MSI2: variants seen among roughly 807,000 people sequenced by gnomAD.
MSI2 encodes RNA-binding protein Musashi homolog 2.
MSI2 carries 17 observed loss-of-function variants against 45.6 expected under a neutral mutation model. The ratio of observed to expected loss-of-function variants is 0.37; its 90% CI spans 0.26 to 0.56. The LOEUF (loss-of-function observed/expected upper bound fraction) is 0.56. Among genes scored for constraint, MSI2 ranks in the 20% least tolerant of loss-of-function variants. MSI2 has a pLI of 0.77. For missense variants in MSI2, 293 were observed against 444.2 expected, an observed-to-expected ratio of 0.66 and a Z score of 3.06; for synonymous variants, 156 against 158.2, an observed-to-expected ratio of 0.99 and a Z score of 0.11.
chr17:57,311,621 C>A (rs1197015637), intron 5 of MSI2, among the ~76,000 whole-genome samples: 2 of 152,122 alleles, frequency 1.3e-5, no homozygotes, highest in Non-Finnish European at 2.9e-5. Flanking sequence ...ATACACATTG[C>A]TCATTGCAGC....
intron 11 of MSI2, among the ~76,000 whole-genome samples, chr17:57,657,788 G>A (rs369938343): frequency 1.0e-3 from 153 of 152,276 alleles, no homozygotes; most frequent in African/African-American, 3.5e-3. Flanking sequence ...GAGGGATCCT[G>A]GAGCTATTTG....
At chr17:57,471,277 C>CTTTT (rs529448901) in intron 6 of MSI2, among the ~76,000 whole-genome samples, 8 of 83,712 alleles carry the variant, frequency 9.6e-5, no homozygotes, top group African/African-American at 2.0e-4. Context: ...TTATGGAGCA[C>CTTTT]TTTTTTTTTT....
At chr17:57,581,004 C>CTTTTTTTTTTTTTTTTTTTTTTTTTTTTT (rs3059122) in intron 7 of MSI2, among the ~76,000 whole-genome samples, 2 of 66,502 alleles carry the variant, frequency 3.0e-5, no homozygotes, top group Non-Finnish European at 5.4e-5. Flanking sequence ...AGGTCAGCAT[C>CTTTTTTTTTTTTTTTTTTTTTTTTTTTTT]TTTTTTTTTT....
At chr17:57,551,146 T>C (rs192482758) in intron 7 of MSI2, among the ~76,000 whole-genome samples, 2 of 152,318 alleles carry the variant, frequency 1.3e-5, no homozygotes, top group Admixed American at 1.3e-4. Flanking sequence ...TGTGGAGCTT[T>C]CTGAATGAAG....
intron 5 of MSI2, among the ~76,000 whole-genome samples, chr17:57,366,159 C>T (rs139867056): frequency 2.1e-4 from 32 of 152,288 alleles, no homozygotes; most frequent in African/African-American, 7.7e-4. Context: ...CAGCCCCACC[C>T]GTTTCGGCCT....
intron 6 of MSI2, among the ~76,000 whole-genome samples, chr17:57,473,628 G>A (rs1240613644): frequency 6.6e-6 from 1 of 152,228 alleles, no homozygotes; most frequent in Non-Finnish European, 1.5e-5. Context: ...GGTATGGGCA[G>A]AAGCTATGCA....
chr17:57,593,055 T>A (rs1380628175), intron 7 of MSI2, among the ~76,000 whole-genome samples: 4 of 152,168 alleles, frequency 2.6e-5, no homozygotes, highest in Non-Finnish European at 5.9e-5. Flanking sequence ...TAAACTAGGC[T>A]GTCCTCTGGC....
intron 6 of MSI2, among the ~76,000 whole-genome samples, chr17:57,415,685 A>G (rs1222254482): frequency 1.3e-5 from 2 of 151,580 alleles, no homozygotes; most frequent in African/African-American, 4.9e-5. Flanking sequence ...CTGAACCCCC[A>G]AATTGCTGAC....
Position 57,593,256 on chromosome 17 carries a change from A to G in MSI2, c.455-3612A>G, listed in dbSNP as rs553447158. 1.1e-3 allele frequency among the ~76,000 whole-genome samples: 161 copies of G among 152,308 alleles called. 1 individual carries two copies. Among genetic ancestry groups the G allele is most frequent in the African/African-American group, 3.8e-3 (157 of 41,570 alleles). ...TGGGATATGGAGGCAGCTGAAACCT[A>G]GAACCTTGCTGTATTAGTTTTCTGT... On this transcript the variant is annotated intron_variant, in intron 7 of 13. Coordinates refer to ENST00000284073, the MANE Select transcript of MSI2 (RefSeq NM_138962.4).
chr17:57,508,752 G>A (rs534838789), intron 6 of MSI2, among the ~76,000 whole-genome samples: 5 of 152,280 alleles, frequency 3.3e-5, no homozygotes, highest in Admixed American at 6.5e-5. Context: ...CTGGCCAAGG[G>A]GAGATAGGAA....
chr17:57,519,502 C>T (rs559412047), intron 6 of MSI2, among the ~76,000 whole-genome samples: 127 of 151,786 alleles, frequency 8.4e-4, no homozygotes, highest in Admixed American at 2.7e-3. Context: ...CTGCTAGAGG[C>T]TTGCTCCATG....
At chr17:57,412,112 A>C (rs2084209177) in intron 6 of MSI2, among the ~76,000 whole-genome samples, 1 of 150,418 alleles carries the variant, frequency 6.6e-6, no homozygotes, top group African/African-American at 2.4e-5. Flanking sequence ...ACCTCAGCTC[A>C]CTGCAACCTC....
rs577262494 is a variant in MSI2 at position 57,488,694 on chromosome 17, T to C, written c.406-40982T>C. Among the ~76,000 whole-genome samples the C allele has an allele frequency of 2.6e-5, 4 of 152,108 alleles. No individual in the cohort carries two copies. The East Asian group carries it at 7.8e-4, about 30-fold the overall frequency. On this transcript the variant is annotated intron_variant, in intron 6 of 13. Transcript: ENST00000284073. Reference sequence around the variant, plus strand: ...AAAAAATTATCTGGGTATGGTGGTGTGTGCCTGTAATCCCAGCTACTTGGG... The same window carrying C: ...AAAAAATTATCTGGGTATGGTGGTGCGTGCCTGTAATCCCAGCTACTTGGG...
At chr17:57,363,257 A>T (rs939465706) in intron 5 of MSI2, among the ~76,000 whole-genome samples, 1 of 152,232 alleles carries the variant, frequency 6.6e-6, no homozygotes, top group African/African-American at 2.4e-5. Context: ...AGCCTGTTAC[A>T]AAAGGAGATT....
chr17:57,411,030 G>C (rs1567808427), intron 6 of MSI2, among the ~76,000 whole-genome samples: 1 of 152,106 alleles, frequency 6.6e-6, no homozygotes, highest in Non-Finnish European at 1.5e-5. Flanking sequence ...TAGAGACAGG[G>C]TCTCACTATG....
chr17:57,544,639 A>C (rs139494246), intron 7 of MSI2, among the ~76,000 whole-genome samples: 1,749 of 152,346 alleles, frequency 0.011, 6 homozygotes, highest in South Asian at 0.024. Flanking sequence ...CTTGCAGGTC[A>C]GATGACTTCG....
chr17:57,647,659 C>A (rs1446113910), intron 10 of MSI2, among the ~76,000 whole-genome samples: 3 of 147,074 alleles, frequency 2.0e-5, no homozygotes, highest in Admixed American at 1.4e-4. Flanking sequence ...TTTTTTTTTT[C>A]TTCGAGACAG....
chr17:57,595,821 A>AC (rs1905203207), intron 7 of MSI2, among the ~76,000 whole-genome samples: 1 of 152,112 alleles, frequency 6.6e-6, no homozygotes, highest in Non-Finnish European at 1.5e-5. Context: ...GAGGTGTGAA[A>AC]CCCAGGGTCC....
At chr17:57,679,262 T>C (rs899057759) in intron 13 of MSI2, among the ~76,000 whole-genome samples, 7 of 152,230 alleles carry the variant, frequency 4.6e-5, no homozygotes, top group African/African-American at 1.7e-4. Context: ...TTCCCACCAC[T>C]ACCTCAACAA....
Sources: gnomAD v4.1 joint callset for allele counts (sites outside exome capture counted in the v4.1 genomes callset) on GRCh38, gnomAD v4.1.1 for gene constraint, MANE v1.5 for transcripts, NCBI Gene and HGNC (gene_info 2026-07-23, HGNC 2026-07-21) for gene names.